CPSF2: variants seen among roughly 807,000 people sequenced by gnomAD.
The protein encoded by CPSF2 is cleavage and polyadenylation specific factor 2, also known as cleavage and polyadenylation specificity factor subunit 2.
In CPSF2, 51 loss-of-function variants were observed where a neutral mutation model predicts 84.2. That is an observed-to-expected ratio of 0.61 (90% confidence interval 0.48 to 0.77). The LOEUF (loss-of-function observed/expected upper bound fraction) is 0.77, where lower values mean the gene tolerates loss of function less well. CPSF2 is among the 30% of genes least tolerant of loss of function. The probability of loss-of-function intolerance (pLI) is 0.00; values close to 1 mark genes in which losing one functional copy is unlikely to be tolerated. For missense variants in CPSF2, 641 were observed against 929.4 expected (o/e 0.69, Z 4.03); for synonymous variants, 286 against 311.9 (o/e 0.92, Z 0.87).
intron 9 of CPSF2, among the ~76,000 whole-genome samples, chr14:92,146,194 G>T (rs1221076676): frequency 1.3e-5 from 2 of 152,310 alleles, no homozygotes; most frequent in East Asian, 3.9e-4. Context: ...ATGTTGGGCA[G>T]ATCCAACTAA....
In CPSF2 at chr14:92,143,187, T is replaced by G; in HGVS notation, c.1033T>G (p.Trp345Gly). ...ATTTTCAAGGGATCTCTTTATTCAGTGGTGTCAGGACCCTAAAAACTCAAT... is the reference window on the plus strand; with the variant it reads ...ATTTTCAAGGGATCTCTTTATTCAGGGGTGTCAGGACCCTAAAAACTCAAT... Reference protein sequence around the residue: ...CGFSRDLFIQWCQDPKNSIIL... With the variant: ...CGFSRDLFIQGCQDPKNSIIL... Residue 345 changes from tryptophan to glycine, a missense_variant, in exon 9 of 16, where the codon TGG becomes GGG. Physicochemically the swap from Trp to Gly is radical, Grantham distance 184. Transcript: ENST00000298875. The G allele has an allele frequency of 6.2e-7, 1 of 1,614,102 alleles. No individual in the cohort carries two copies. Among genetic ancestry groups the G allele is most frequent in the East Asian group, 2.2e-5 (1 of 44,864 alleles).
rs1051357934 is a variant in CPSF2 at position 92,165,029 on chromosome 14, A to G, written c.*3285A>G. ...CTTCATAAAAATTGAATAATACAAT[A>G]TATGAACTTTTATGTTTGACTTCTT... On this transcript the variant is annotated 3_prime_UTR_variant, in exon 16 of 16. Transcript: ENST00000298875. 1.3e-5 allele frequency: 2 copies of G among 152,202 alleles called. No individual in the cohort carries two copies. The highest frequency in any genetic ancestry group is 2.4e-5 in the African/African-American group (1 of 41,454). 9.4% of individuals were successfully genotyped at this position (152,202 alleles called of 1,614,324 possible).
At position 92,142,256 on chromosome 14, in the gene CPSF2, C is replaced by T; in HGVS notation, c.754C>T (p.Gln252Ter). Residue 252 changes from glutamine to a stop codon, truncating the protein, a stop_gained, in exon 8 of 16, where the codon CAG becomes TAG. Coordinates refer to ENST00000298875, the MANE Select transcript of CPSF2 (RefSeq NM_017437.3). LOFTEE classifies it high-confidence loss of function. The part of the protein sequence containing the change: ...RVLELAQLLD[Q>*]IWRTKDAGLG... ...TTTGGAACTTGCTCAACTTCTTGAT[C>T]AGATTTGGAGGACTAAAGATGCAGG... 2.5e-6 allele frequency: 4 copies of T among 1,613,988 alleles called. No individual in the cohort carries two copies.
At chr14:92,130,824 T>C (rs1031907218) in intron 2 of CPSF2, 127 bp from the exon 3 acceptor site, 1 of 607,980 alleles carries the variant, frequency 1.6e-6, no homozygotes, top group African/African-American at 2.0e-5. Context: ...AATGGGCCTT[T>C]AAACTGCTTT....
Position 92,168,892 on chromosome 14 carries a change from G to A in CPSF2, c.*7148G>A, listed in dbSNP as rs2069484162. On this transcript the variant is annotated 3_prime_UTR_variant, in exon 16 of 16. Transcript: ENST00000298875. ...CTTTCTCTCTCCATATAGTCAAAGA[G>A]AACCAAAAATGTATGTGCTTTTTTT... The A allele has an allele frequency of 6.6e-6, 1 of 152,076 alleles. No homozygotes were observed. Among genetic ancestry groups the A allele is most frequent in the South Asian group, 2.1e-4 (1 of 4,824 alleles). 9.4% of individuals were successfully genotyped at this position (152,076 alleles called of 1,614,324 possible). A position where few individuals can be genotyped will look rare whatever the true frequency, so the allele number is the denominator to read the frequency against.
chr14:92,161,245 GAGTA>G lies in CPSF2; in HGVS notation c.2256+3_2256+6del. 3.7e-6 allele frequency: 6 copies of G among 1,607,814 alleles called. No individual in the cohort carries two copies. Among genetic ancestry groups the G allele is most frequent in the Non-Finnish European group, 5.1e-6 (6 of 1,178,134 alleles). ...TGCAACAATCAAGTAGCAGTCCGCA[GAGTA>G]AGTGTGTTTTCAATAAGGGCTGAAT... On this transcript the variant is annotated splice_donor_variant and splice_donor_region_variant and coding_sequence_variant and intron_variant, in exon 15 of 16. Transcript: ENST00000298875. LOFTEE classifies it high-confidence loss of function.
Position 92,155,120 on chromosome 14 carries a change from T to C in CPSF2, c.1242-3T>C. On this transcript the variant is annotated splice_region_variant and splice_polypyrimidine_tract_variant and intron_variant, in intron 10 of 15. Transcript: ENST00000298875. ...ACCTTGATCTATTCTAAAATCCTCCTAGGGCAGATATAGATTCCAGTGATG... is the reference window on the plus strand; with the variant it reads ...ACCTTGATCTATTCTAAAATCCTCCCAGGGCAGATATAGATTCCAGTGATG... The C allele has an allele frequency of 6.2e-7, 1 of 1,606,770 alleles. No individual in the cohort carries two copies. The highest frequency in any genetic ancestry group is 8.5e-7 in the Non-Finnish European group (1 of 1,173,396).
intron 9 of CPSF2, among the ~76,000 whole-genome samples, chr14:92,143,940 C>T (rs946143502): frequency 6.6e-6 from 1 of 152,134 alleles, no homozygotes; most frequent in African/African-American, 2.4e-5. Flanking sequence ...CTGTCTCTTG[C>T]TTAATTTAAA....
At chr14:92,124,804 G>C (rs1359211157) in intron 1 of CPSF2, among the ~76,000 whole-genome samples, 10 of 152,102 alleles carry the variant, frequency 6.6e-5, no homozygotes, top group African/African-American at 2.4e-4. Context: ...TAATATTTTG[G>C]TTCTATTGGG....
intron 1 of CPSF2, among the ~76,000 whole-genome samples, chr14:92,124,182 G>A (rs1404456506): frequency 6.6e-6 from 1 of 152,236 alleles, no homozygotes; most frequent in African/African-American, 2.4e-5. Flanking sequence ...AGATCAGCTT[G>A]TGAAGGATCT....
Position 92,169,308 on chromosome 14 carries a change from T to C in CPSF2, c.*7564T>C, listed in dbSNP as rs1369675322. On this transcript the variant is annotated 3_prime_UTR_variant, in exon 16 of 16. Coordinates refer to ENST00000298875, the MANE Select transcript of CPSF2 (RefSeq NM_017437.3). ...TGTGGCATTGCCACTTGTTACTACA[T>C]GACCCCCCCACACCCCCTAAAAAAG... is the stretch of plus-strand genomic sequence containing the variant. 6.6e-6 allele frequency: 1 copy of C among 152,248 alleles called. No homozygotes were observed. Among genetic ancestry groups the C allele is most frequent in the Non-Finnish European group, 1.5e-5 (1 of 68,064 alleles). The allele number at this position is 152,248 out of a possible 1,614,324, so 9.4% of individuals were successfully genotyped here. A position where few individuals can be genotyped will look rare whatever the true frequency, so the allele number is the denominator to read the frequency against.
rs866227913 is a variant in CPSF2 at position 92,164,062 on chromosome 14, C to T, written c.*2318C>T. 2 of 152,924 alleles carry T rather than the reference C, an allele frequency of 1.3e-5. No individual in the cohort carries two copies. Among genetic ancestry groups the T allele is most frequent in the Middle Eastern group, 3.4e-3 (1 of 298 alleles). The allele number at this position is 152,924 out of a possible 1,614,324, so 9.5% of individuals were successfully genotyped here. A position where few individuals can be genotyped will look rare whatever the true frequency, so the allele number is the denominator to read the frequency against. ...TGATGGTTTTGTAAGGGAATTTTCC[C>T]CCTTTGCTTGGCACTTCTTCCTGCT... On this transcript the variant is annotated 3_prime_UTR_variant, in exon 16 of 16. Coordinates refer to ENST00000298875, the MANE Select transcript of CPSF2 (RefSeq NM_017437.3).
At chr14:92,132,318 A>G (rs1255065582) in intron 3 of CPSF2, among the ~76,000 whole-genome samples, 1 of 151,782 alleles carries the variant, frequency 6.6e-6, no homozygotes, top group Non-Finnish European at 1.5e-5. Flanking sequence ...TATTTTTAGT[A>G]GAAACAGGGT....
At chr14:92,150,531 G>T (rs2069201673) in intron 9 of CPSF2, among the ~76,000 whole-genome samples, 1 of 151,766 alleles carries the variant, frequency 6.6e-6, no homozygotes, top group African/African-American at 2.4e-5. Context: ...GCGTTCATGT[G>T]ACCCTCCTGC....
At chr14:92,122,635 G>GCGCCCTCCCGCCAT (rs1555413123) in intron 1 of CPSF2, among the ~76,000 whole-genome samples, 25 of 151,824 alleles carry the variant, frequency 1.6e-4, no homozygotes, top group Admixed American at 4.6e-4. Flanking sequence ...TTGGGCCTTC[G>GCGCCCTCCCGCCAT]CGCCCTCCCG....
chr14:92,133,950 A>C (rs2068967423), intron 3 of CPSF2, 61 bp from the exon 4 acceptor site: 1 of 1,548,568 alleles, frequency 6.5e-7, no homozygotes, highest in Admixed American at 1.8e-5. Flanking sequence ...ATAATTTTGA[A>C]TATTCTGTCT....
chr14:92,144,342 A>G (rs2069117733), intron 9 of CPSF2, among the ~76,000 whole-genome samples: 4 of 152,186 alleles, frequency 2.6e-5, no homozygotes, highest in Admixed American at 6.5e-5. Flanking sequence ...CATTCCTGCT[A>G]TCATGCTATC....
Position 92,157,563 on chromosome 14 carries a change from C to T in CPSF2, c.1596-96C>T, listed in dbSNP as rs565213934. ...TACAGATACTATAACATGTGTATTT[C>T]TCAAATCCTAGTGTTATATATTGTA... On this transcript the variant is annotated intron_variant, in intron 12 of 15. Coordinates refer to ENST00000298875, the MANE Select transcript of CPSF2 (RefSeq NM_017437.3). This position sits in a 1 kb window ranked among gnomAD's most constrained non-coding sequence, Gnocchi z 4.0. 504 of 740,044 alleles carry T rather than the reference C, an allele frequency of 6.8e-4. No homozygotes were observed. Among genetic ancestry groups the T allele is most frequent in the Non-Finnish European group, 1.1e-3 (475 of 446,312 alleles). 45.8% of individuals were successfully genotyped at this position (740,044 alleles called of 1,614,324 possible).
intron 5 of CPSF2, 120 bp downstream of exon 5, chr14:92,134,475 C>T (rs926664550): frequency 1.5e-6 from 1 of 658,328 alleles, no homozygotes; most frequent in Non-Finnish European, 2.6e-6. Flanking sequence ...AAAAAGTTAG[C>T]ACATTCTGCC....
Sources: allele counts gnomAD v4.1 joint callset (sites outside exome capture counted in the v4.1 genomes callset), GRCh38; gene constraint gnomAD v4.1.1; non-coding constraint Gnocchi (gnomAD v3.1); transcripts MANE v1.5; gene names NCBI Gene and HGNC (gene_info 2026-07-23, HGNC 2026-07-21).